The following CAST variants were observed in gnomAD, a reference collection of about 807,000 sequenced individuals.
CAST encodes the protein MIR583 host.
A neutral mutation model predicts 119.6 loss-of-function variants in CAST; 76 were observed. The observed-to-expected ratio is 0.64, with a 90% confidence interval of 0.53 to 0.77. The LOEUF (loss-of-function observed/expected upper bound fraction) is 0.77, where lower values mean the gene tolerates loss of function less well. Among genes scored for constraint, CAST ranks in the 30% least tolerant of loss-of-function variants. The probability of loss-of-function intolerance (pLI) is 0.00; values close to 1 mark genes in which losing one functional copy is unlikely to be tolerated. For synonymous variants in CAST, 319 were observed against 331.6 expected, an observed-to-expected ratio of 0.96 and a Z score of 0.41; for missense variants, 953 against 946.5, an observed-to-expected ratio of 1.01 and a Z score of -0.09.
At chr5:96,294,828 C>T in the CAST span, among the ~76,000 whole-genome samples, 23 of 152,208 alleles carry the variant, frequency 1.5e-4, no homozygotes, top group Non-Finnish European at 2.8e-4. Context: ...TAGAGGCCTT[C>T]TCACTTGATG....
At chr5:96,708,070 C>T (rs148041175) in intron 3 of CAST, among the ~76,000 whole-genome samples, 1 of 152,318 alleles carries the variant, frequency 6.6e-6, no homozygotes, top group African/African-American at 2.4e-5. Flanking sequence ...GAAAATGAAA[C>T]CCTTTTATAT....
At chr5:96,397,810 A>C in the CAST span, among the ~76,000 whole-genome samples, 1 of 152,172 alleles carries the variant, frequency 6.6e-6, no homozygotes, top group South Asian at 2.1e-4. Context: ...AGAGTCAAAA[A>C]TCTAAAAATA....
At chr5:96,075,666 G>A in the CAST span, among the ~76,000 whole-genome samples, 5 of 152,114 alleles carry the variant, frequency 3.3e-5, no homozygotes, top group African/African-American at 7.2e-5. Flanking sequence ...GAGTTTCATT[G>A]AGCAAAAGGG....
chr5:96,766,133 T>C lies in CAST; in HGVS notation c.2118T>C (p.Asp706=), dbSNP rs983489977. 5 of 1,601,104 alleles carry C rather than the reference T, an allele frequency of 3.1e-6. 1 individual carries two copies. The highest frequency in any genetic ancestry group is 4.5e-5 in the East Asian group (2 of 44,738). The change falls in exon 27 of 32, where the codon GAT becomes GAC. Residue 706 remains aspartate (D), a synonymous_variant. Coordinates refer to ENST00000675179, the MANE Select transcript of CAST (RefSeq NM_001750.7). ...CACCTGAATACAGACATCTCCTGGA[T>C]GATAATGGACAGGTAAACTGAGGCA... ...TIPPEYRHLL[D]DNGQDKPVKP... is the part of the protein sequence containing the mutation.
the CAST span, among the ~76,000 whole-genome samples, chr5:96,222,163 A>G: frequency 1.3e-5 from 2 of 152,264 alleles, no homozygotes; most frequent in African/African-American, 4.8e-5. Context: ...CTACTAGAAA[A>G]AACCATAGAG....
chr5:96,043,556 T>C, the CAST span, among the ~76,000 whole-genome samples: 2 of 152,238 alleles, frequency 1.3e-5, no homozygotes, highest in African/African-American at 4.8e-5. Flanking sequence ...AGTTTCTTCA[T>C]CTTTTATCTA....
the CAST span, among the ~76,000 whole-genome samples, chr5:96,270,260 A>T: frequency 2.0e-5 from 3 of 152,176 alleles, no homozygotes; most frequent in African/African-American, 7.2e-5. Flanking sequence ...TAAAGGTCAT[A>T]TATGACAAAC....
the CAST span, among the ~76,000 whole-genome samples, chr5:96,167,380 A>G: frequency 6.6e-6 from 1 of 152,094 alleles, no homozygotes; most frequent in African/African-American, 2.4e-5. Context: ...AGGGATGACA[A>G]GTTTTTTGGG....
At chr5:96,245,622 A>G in the CAST span, among the ~76,000 whole-genome samples, 3 of 62,114 alleles carry the variant, frequency 4.8e-5, no homozygotes, top group Non-Finnish European at 8.7e-5. Flanking sequence ...TGTGTAATGG[A>G]AAAAAAAAAA....
chr5:96,222,135 G>A, the CAST span, among the ~76,000 whole-genome samples: 1 of 151,956 alleles, frequency 6.6e-6, no homozygotes, highest in African/African-American at 2.4e-5. Flanking sequence ...TTTAAATGTA[G>A]GACATGAAAC....
chr5:96,268,397 A>C, the CAST span, among the ~76,000 whole-genome samples: 1 of 152,064 alleles, frequency 6.6e-6, no homozygotes. Flanking sequence ...ACATAGCAAA[A>C]CCCCATCTCT....
the CAST span, among the ~76,000 whole-genome samples, chr5:96,077,517 C>T: frequency 2.0e-5 from 3 of 152,250 alleles, no homozygotes; most frequent in African/African-American, 7.2e-5. Context: ...ATTTGATCCA[C>T]CCAAACTTCA....
the CAST span, among the ~76,000 whole-genome samples, chr5:96,100,718 T>C: frequency 7.5e-4 from 114 of 152,326 alleles, 1 homozygote; most frequent in African/African-American, 2.5e-3. Flanking sequence ...TCAGTATCTG[T>C]TGGGGGTTGG....
At chr5:96,389,708 G>A in the CAST span, among the ~76,000 whole-genome samples, 1 of 152,142 alleles carries the variant, frequency 6.6e-6, no homozygotes, top group Non-Finnish European at 1.5e-5. Context: ...GGCTGGGGCA[G>A]GTGGATCACC....
Position 96,676,525 on chromosome 5 carries a change from C to T in CAST, c.138+924C>T, listed in dbSNP as rs977068243. Among the ~76,000 whole-genome samples, 3 of 151,930 alleles carry T rather than the reference C, an allele frequency of 2.0e-5. No homozygotes were observed. In the East Asian group the frequency reaches 5.8e-4, roughly 29 times the overall value. On this transcript the variant is annotated intron_variant, in intron 2 of 31. Transcript: ENST00000675179. ...ATGCATTCTGTACTAAAGTTTATGC[C>T]TCCATTTTCTACCATTGTTTTCATC...
At chr5:96,460,116 G>A in the CAST span, among the ~76,000 whole-genome samples, 20 of 152,172 alleles carry the variant, frequency 1.3e-4, no homozygotes, top group Admixed American at 3.9e-4. Context: ...CGCCACTGAA[G>A]TAGAAGAGGC....
chr5:96,449,144 C>T, the CAST span, among the ~76,000 whole-genome samples: 1 of 148,256 alleles, frequency 6.7e-6, no homozygotes, highest in African/African-American at 2.6e-5. Context: ...GTCTAAAAGC[C>T]CCTCTCTGCT....
At chr5:96,058,767 G>T in the CAST span, among the ~76,000 whole-genome samples, 2 of 152,086 alleles carry the variant, frequency 1.3e-5, no homozygotes, top group Non-Finnish European at 1.5e-5. Flanking sequence ...GATGGCTGTT[G>T]CTGAGTTCCA....
intron 1 of CAST, among the ~76,000 whole-genome samples, chr5:96,626,309 T>C (rs920653728): frequency 6.6e-6 from 1 of 152,186 alleles, no homozygotes; most frequent in Non-Finnish European, 1.5e-5. Context: ...CTGCCTCTCT[T>C]ACTCCCGAGG....
Sources: gnomAD v4.1 joint callset for allele counts (sites outside exome capture counted in the v4.1 genomes callset) on GRCh38, gnomAD v4.1.1 for gene constraint, MANE v1.5 for transcripts, NCBI Gene and HGNC (gene_info 2026-07-23, HGNC 2026-07-21) for gene names.